Variants in SMYD1 observed in about 807,000 individuals in gnomAD.
SMYD1 encodes SET and MYND domain containing 1.
A neutral mutation model predicts 54.0 loss-of-function variants in SMYD1; 49 were observed. The ratio of observed to expected loss-of-function variants is 0.91; its 90% CI spans 0.72 to 1.15. The LOEUF (loss-of-function observed/expected upper bound fraction) is 1.15. Among genes scored for constraint, SMYD1 ranks in the 50% most tolerant of loss-of-function variants. SMYD1 has a pLI of 0.00. For synonymous variants in SMYD1, 269 were observed against 234.2 expected, an observed-to-expected ratio of 1.15 and a Z score of -1.36; for missense variants, 653 against 639.6, an observed-to-expected ratio of 1.02 and a Z score of -0.23.
At chr2:88,108,229 C>G in intron 8 of SMYD1, 142 bp from the exon 9 acceptor site, 1 of 720,840 alleles carries the variant, frequency 1.4e-6, no homozygotes, top group South Asian at 3.9e-5. Flanking sequence ...CCTCAGTTCC[C>G]CCTTGGCGGC....
At chr2:88,087,110 C>T (rs1483952324) in intron 2 of SMYD1, among the ~76,000 whole-genome samples, 1 of 144,640 alleles carries the variant, frequency 6.9e-6, no homozygotes, top group African/African-American at 2.5e-5. Context: ...AATACCAATA[C>T]TTTCACACAC....
At position 88,112,664 on chromosome 2, in the gene SMYD1, C is replaced by T. The variant is rs1015413551; in HGVS notation, c.*2152C>T. On this transcript the variant is annotated 3_prime_UTR_variant, in exon 10 of 10. Transcript: ENST00000419482. ...AGATTGACTTCCACTCCCACTCCTTCACTAAAAGGGCTCTTACCAAGATCA... is the reference window on the plus strand; with the variant it reads ...AGATTGACTTCCACTCCCACTCCTTTACTAAAAGGGCTCTTACCAAGATCA... The T allele has an allele frequency of 6.4e-6, 1 of 155,558 alleles. No individual in the cohort carries two copies. The highest frequency in any genetic ancestry group is 1.4e-5 in the Non-Finnish European group (1 of 69,964). The allele number at this position is 155,558 out of a possible 1,614,324, so 9.6% of individuals were successfully genotyped here. A position where few individuals can be genotyped will look rare whatever the true frequency, so the allele number is the denominator to read the frequency against.
At chr2:88,097,654 C>T (rs1352193436) in intron 6 of SMYD1, among the ~76,000 whole-genome samples, 1 of 152,156 alleles carries the variant, frequency 6.6e-6, no homozygotes, top group Non-Finnish European at 1.5e-5. Context: ...TATGATCTCA[C>T]CTTAACTAAT....
chr2:88,099,937 G>A (rs1256190536), intron 6 of SMYD1, among the ~76,000 whole-genome samples: 1 of 137,684 alleles, frequency 7.3e-6, no homozygotes, highest in Non-Finnish European at 1.5e-5. Context: ...CTTATCCTCT[G>A]GCCCCTTTCC....
At position 88,110,534 on chromosome 2, in the gene SMYD1, G is replaced by A. The variant is rs149175661; in HGVS notation, c.*22G>A. 9.0e-5 allele frequency: 139 copies of A among 1,540,182 alleles called. 1 individual carries two copies. In the African/African-American group the frequency reaches 1.8e-3, roughly 20 times the overall value. ...ATGAGGACTGCCCAGTGGAGGAGGG[G>A]CGATGTGGCTGGGGAGCTAGGGAGA... On this transcript the variant is annotated 3_prime_UTR_variant, in exon 10 of 10. Coordinates refer to ENST00000419482, the MANE Select transcript of SMYD1 (RefSeq NM_198274.4).
intron 7 of SMYD1, 44 bp downstream of exon 7, chr2:88,103,194 T>C (rs1273057545): frequency 6.6e-7 from 1 of 1,521,152 alleles, no homozygotes; most frequent in Non-Finnish European, 9.0e-7. Flanking sequence ...GAAAGGAGGG[T>C]GGAAACATTC....
chr2:88,087,609 C>G (rs1674361284), intron 2 of SMYD1, among the ~76,000 whole-genome samples: 1 of 152,194 alleles, frequency 6.6e-6, no homozygotes, highest in Admixed American at 6.5e-5. Context: ...ACCTTAGCTT[C>G]CCCACCCCAG....
rs1202509271 is a variant in SMYD1, at chr2:88,096,673, T to C, written c.777T>C (p.Ser259=). 11 of 1,614,186 alleles carry C rather than the reference T, an allele frequency of 6.8e-6. No homozygotes were observed. Among genetic ancestry groups the C allele is most frequent in the Non-Finnish European group, 7.6e-6 (9 of 1,180,036 alleles). ...TVSYIDFLNV[S]EERKRQLKKQ... is the part of the protein sequence containing the mutation. ...CCTATATTGACTTCCTCAACGTTAG[T>C]GAAGAACGCAAGAGGCAGCTGAAGA... Residue 259 remains serine, a synonymous_variant, in exon 6 of 10, where the codon AGT becomes AGC. Transcript: ENST00000419482.
chr2:88,113,285 T>C lies in SMYD1; in HGVS notation c.*2773T>C, dbSNP rs867045452. On this transcript the variant is annotated 3_prime_UTR_variant, in exon 10 of 10. Transcript: ENST00000419482. ...ATGAATGAATGAACAAATGAATGAA[T>C]TTGCTTACTTCAAGGCAAAAGAACC... 2.6e-5 allele frequency: 4 copies of C among 152,238 alleles called. No homozygotes were observed. The South Asian group carries it at 8.3e-4, about 32-fold the overall frequency. 9.4% of individuals were successfully genotyped at this position (152,238 alleles called of 1,614,324 possible).
intron 1 of SMYD1, among the ~76,000 whole-genome samples, chr2:88,075,599 A>G (rs1674044681): frequency 7.2e-6 from 1 of 138,958 alleles, no homozygotes; most frequent in Admixed American, 8.2e-5. Flanking sequence ...GTGTCATGGC[A>G]CAATCATGGC....
intron 2 of SMYD1, 110 bp downstream of exon 2, chr2:88,084,602 A>G: frequency 1.9e-6 from 2 of 1,029,442 alleles, no homozygotes; most frequent in Non-Finnish European, 2.8e-6. Flanking sequence ...GCAAGTCAGG[A>G]AACAGCCTCA....
intron 2 of SMYD1, among the ~76,000 whole-genome samples, 168 bp downstream of exon 2, chr2:88,084,660 G>T (rs1674280608): frequency 6.6e-6 from 1 of 152,230 alleles, no homozygotes; most frequent in Admixed American, 6.5e-5. Context: ...GTCTAAGAGG[G>T]AGAACTGGCT....
At chr2:88,098,884 TC>T (rs1573117225) in intron 6 of SMYD1, among the ~76,000 whole-genome samples, 1 of 152,202 alleles carries the variant, frequency 6.6e-6, no homozygotes, top group Non-Finnish European at 1.5e-5. Flanking sequence ...TACACCAGCC[TC>T]AAACCTTCAA....
intron 7 of SMYD1, among the ~76,000 whole-genome samples, chr2:88,104,687 C>T (rs928544748): frequency 6.6e-6 from 1 of 152,232 alleles, no homozygotes; most frequent in Admixed American, 6.5e-5. Context: ...CTCATGAACT[C>T]TGGGAAAGTC....
At position 88,106,497 on chromosome 2, in the gene SMYD1, C is replaced by T. The variant is rs370058674; in HGVS notation, c.1145+9C>T. ...ATGGTGGACGGCTATATGTAGGTGACGATTCTAGGTCTCAGATAGTCTCCT... is the reference window on the plus strand; with the variant it reads ...ATGGTGGACGGCTATATGTAGGTGATGATTCTAGGTCTCAGATAGTCTCCT... On this transcript the variant is annotated intron_variant, in intron 8 of 9. Transcript: ENST00000419482. The T allele has an allele frequency of 5.8e-5, 93 of 1,610,180 alleles. No homozygotes were observed. The highest frequency in any genetic ancestry group is 1.8e-4 in the East Asian group (8 of 44,806).
intron 1 of SMYD1, among the ~76,000 whole-genome samples, chr2:88,074,129 G>C (rs1430306578): frequency 6.6e-6 from 1 of 152,244 alleles, no homozygotes; most frequent in Non-Finnish European, 1.5e-5. Context: ...GCCTCCAAAA[G>C]TGCTGGGATT....
rs116235010 is a variant in SMYD1 at position 88,082,068 on chromosome 2, C to T, written c.138-2248C>T. On this transcript the variant is annotated intron_variant, in intron 1 of 9. Transcript: ENST00000419482. The stretch of plus-strand genomic sequence containing the variant: ...GGGGTTTAGAGAGTTCACTAAGTGG[C>T]CGGAGTTCCATGTGGGCCCCATGTG... 4.2e-3 allele frequency among the ~76,000 whole-genome samples: 641 copies of T among 152,186 alleles called. 4 individuals are homozygous for T. The highest frequency in any genetic ancestry group is 0.015 in the African/African-American group (618 of 41,518).
chr2:88,074,134 G>GGCCCCA (rs1674006901), intron 1 of SMYD1, among the ~76,000 whole-genome samples: 1 of 152,216 alleles, frequency 6.6e-6, no homozygotes, highest in South Asian at 2.1e-4. Flanking sequence ...CAAAAGTGCT[G>GGCCCCA]GGATTACAGG....
intron 8 of SMYD1, among the ~76,000 whole-genome samples, chr2:88,107,933 G>A (rs1354306512): frequency 6.6e-6 from 1 of 152,234 alleles, no homozygotes; most frequent in African/African-American, 2.4e-5. Context: ...TACACTCGGT[G>A]CGCTGCACCC....
Sources: allele counts gnomAD v4.1 joint callset (sites outside exome capture counted in the v4.1 genomes callset), GRCh38; gene constraint gnomAD v4.1.1; transcripts MANE v1.5; gene names NCBI Gene and HGNC (gene_info 2026-07-23, HGNC 2026-07-21).